Variants in FOXJ3 observed in about 807,000 individuals in gnomAD.
FOXJ3 encodes the protein forkhead box J3, also known as forkhead box protein J3.
In FOXJ3, 22 loss-of-function variants were observed where a neutral mutation model predicts 76.1. The ratio of observed to expected loss-of-function variants is 0.29; its 90% CI spans 0.21 to 0.41. The LOEUF (loss-of-function observed/expected upper bound fraction) is 0.41. Ranked by LOEUF, FOXJ3 falls within the 10% of genes least tolerant of loss-of-function variation. The probability of loss-of-function intolerance (pLI) is 1.00; values close to 1 mark genes in which losing one functional copy is unlikely to be tolerated. For missense variants in FOXJ3, 613 were observed against 762.1 expected (o/e 0.80, Z 2.30); for synonymous variants, 269 against 261.2 (o/e 1.03, Z -0.29).
At chr1:42,227,829 G>A (rs1162890326) in intron 5 of FOXJ3, 54 bp downstream of exon 5, 3 of 961,600 alleles carry the variant, frequency 3.1e-6, no homozygotes, top group Non-Finnish European at 4.7e-6. Context: ...TTCAAAATCT[G>A]TATTTCAGAC....
At chr1:42,329,125 G>C (rs1408034079) in intron 1 of FOXJ3, among the ~76,000 whole-genome samples, 1 of 152,152 alleles carries the variant, frequency 6.6e-6, no homozygotes, top group Non-Finnish European at 1.5e-5. Flanking sequence ...ATGTCAAATA[G>C]AATCGCAGCC....
chr1:42,276,563 C>T (rs538840481), intron 3 of FOXJ3, among the ~76,000 whole-genome samples: 2 of 152,126 alleles, frequency 1.3e-5, no homozygotes, highest in South Asian at 2.1e-4. Flanking sequence ...AACATCATTT[C>T]GTTATAATGT....
At chr1:42,250,777 A>T (rs556274152) in intron 4 of FOXJ3, among the ~76,000 whole-genome samples, 5 of 150,242 alleles carry the variant, frequency 3.3e-5, no homozygotes, top group Non-Finnish European at 7.4e-5. Flanking sequence ...CAGCCTGAGC[A>T]ACAAGGACAA....
At position 42,273,761 on chromosome 1, in the gene FOXJ3, C is replaced by T. The variant is rs563066843; in HGVS notation, c.369+4587G>A. The stretch of plus-strand genomic sequence containing the variant: ...AAATTAGTACTCCCTAGGCTGAACC[C>T]AGACACAAGATTTATGTCTGGCCTG... On this transcript the variant is annotated intron_variant, in intron 3 of 12. Transcript: ENST00000361346. 3.3e-5 allele frequency among the ~76,000 whole-genome samples: 5 copies of T among 151,660 alleles called. No homozygotes were observed. The South Asian group carries it at 1.0e-3, about 32-fold the overall frequency.
chr1:42,306,827 A>T (rs1389247916), intron 2 of FOXJ3, among the ~76,000 whole-genome samples: 1 of 152,186 alleles, frequency 6.6e-6, no homozygotes, highest in African/African-American at 2.4e-5. Flanking sequence ...TACTCTACTA[A>T]ATCTCATAAA....
intron 5 of FOXJ3, among the ~76,000 whole-genome samples, chr1:42,210,325 G>GCA (rs1646943247): frequency 6.6e-6 from 1 of 152,104 alleles, no homozygotes; most frequent in Admixed American, 6.5e-5. Flanking sequence ...CGCCCTGGTA[G>GCA]CATAACACAA....
At chr1:42,235,289 G>T (rs754645686) in intron 4 of FOXJ3, among the ~76,000 whole-genome samples, 12 of 152,210 alleles carry the variant, frequency 7.9e-5, no homozygotes, top group Non-Finnish European at 1.5e-4. Context: ...CAATTTTCCA[G>T]GTGCTGTCTG....
chr1:42,245,344 C>T (rs1649468239), intron 4 of FOXJ3, among the ~76,000 whole-genome samples: 1 of 152,064 alleles, frequency 6.6e-6, no homozygotes, highest in African/African-American at 2.4e-5. Flanking sequence ...TACCCTGATA[C>T]CAAAACCAAA....
intron 1 of FOXJ3, among the ~76,000 whole-genome samples, chr1:42,333,959 A>C (rs759814509): frequency 6.6e-6 from 1 of 152,196 alleles, no homozygotes; most frequent in Non-Finnish European, 1.5e-5. Flanking sequence ...ATCTCAGAAA[A>C]AGACCAAAAA....
At chr1:42,287,896 G>A (rs1261071176) in intron 2 of FOXJ3, among the ~76,000 whole-genome samples, 1 of 152,138 alleles carries the variant, frequency 6.6e-6, no homozygotes, top group Non-Finnish European at 1.5e-5. Flanking sequence ...GCCCAGGGAA[G>A]TCGAGACTGC....
chr1:42,188,069 G>A (rs1005786020), intron 11 of FOXJ3, among the ~76,000 whole-genome samples: 3 of 152,122 alleles, frequency 2.0e-5, no homozygotes, highest in African/African-American at 7.2e-5. Context: ...GAGCTTGTTG[G>A]CATAAAATGT....
intron 7 of FOXJ3, among the ~76,000 whole-genome samples, chr1:42,196,040 C>G (rs1646644355): frequency 1.3e-5 from 2 of 152,242 alleles, no homozygotes; most frequent in East Asian, 1.9e-4. Context: ...AGTTTCTCAT[C>G]TACCTCCCTG....
intron 8 of FOXJ3, among the ~76,000 whole-genome samples, chr1:42,193,147 TATA>T (rs1402326778): frequency 6.6e-6 from 1 of 152,048 alleles, no homozygotes; most frequent in Non-Finnish European, 1.5e-5. Context: ...ATAAGTATAA[TATA>T]GTTTTTTTTT....
intron 1 of FOXJ3, among the ~76,000 whole-genome samples, chr1:42,331,115 T>C (rs1360635649): frequency 6.6e-6 from 1 of 152,092 alleles, no homozygotes; most frequent in Non-Finnish European, 1.5e-5. Context: ...GCGCGGTGGC[T>C]TACACCTGTA....
At chr1:42,285,369 G>C (rs1652984974) in intron 2 of FOXJ3, among the ~76,000 whole-genome samples, 1 of 151,322 alleles carries the variant, frequency 6.6e-6, no homozygotes, top group Non-Finnish European at 1.5e-5. Flanking sequence ...ACCAAAACAA[G>C]GCATCCCTGA....
chr1:42,212,485 T>C (rs7528558), intron 5 of FOXJ3, among the ~76,000 whole-genome samples: 3 of 151,654 alleles, frequency 2.0e-5, no homozygotes, highest in Non-Finnish European at 2.9e-5. Context: ...AAAAATAATT[T>C]CAGAGGTCGA....
intron 4 of FOXJ3, among the ~76,000 whole-genome samples, chr1:42,236,943 A>G (rs959631695): frequency 1.8e-4 from 27 of 152,262 alleles, no homozygotes; most frequent in South Asian, 1.2e-3. Context: ...CCACCCATAT[A>G]TTATCCTTTG....
At chr1:42,193,685 T>G (rs1646594673) in intron 8 of FOXJ3, among the ~76,000 whole-genome samples, 1 of 152,328 alleles carries the variant, frequency 6.6e-6, no homozygotes. Context: ...TAACTGACAG[T>G]AAGTATTAAA....
chr1:42,191,215 G>C lies in FOXJ3; in HGVS notation c.1351+88C>G, dbSNP rs1316670587. 4.1e-6 allele frequency: 5 copies of C among 1,210,502 alleles called. No homozygotes were observed. The African/African-American group carries it at 6.0e-5, about 15-fold the overall frequency. The allele number at this position is 1,210,502 out of a possible 1,614,324, so 75.0% of individuals were successfully genotyped here. On this transcript the variant is annotated intron_variant, in intron 9 of 12. Coordinates refer to ENST00000361346, the MANE Select transcript of FOXJ3 (RefSeq NM_014947.5). Reference sequence around the variant, plus strand: ...AAGGAAACAGATGTAAAGAGGTTTTGGTAGTAAATACTACATGAGCTCTAA... The same window carrying C: ...AAGGAAACAGATGTAAAGAGGTTTTCGTAGTAAATACTACATGAGCTCTAA...
Sources: allele counts gnomAD v4.1 joint callset (sites outside exome capture counted in the v4.1 genomes callset), GRCh38; gene constraint gnomAD v4.1.1; transcripts MANE v1.5; gene names NCBI Gene and HGNC (gene_info 2026-07-23, HGNC 2026-07-21).